Variants in PCDH15 observed in about 807,000 individuals in gnomAD.
The protein encoded by PCDH15 is protocadherin-15.
In PCDH15, 129 loss-of-function variants were observed where a neutral mutation model predicts 178.5. That is an observed-to-expected ratio of 0.72 (90% CI 0.63 to 0.84). The LOEUF (loss-of-function observed/expected upper bound fraction) is 0.84, where lower values mean the gene tolerates loss of function less well. PCDH15 is among the 40% of genes least tolerant of loss of function. PCDH15 has a pLI of 0.00. For synonymous variants in PCDH15, 800 were observed against 732.0 expected (o/e 1.09, Z -1.50); for missense variants, 2,230 against 2,099.9 (o/e 1.06, Z -1.21).
At chr10:55,045,288 T>C (rs2131981595) in intron 2 of PCDH15, among the ~76,000 whole-genome samples, 1 of 152,244 alleles carries the variant, frequency 6.6e-6, no homozygotes, top group Non-Finnish European at 1.5e-5. Flanking sequence ...TTACCATTGA[T>C]TTTGTTCTTT....
At chr10:55,271,682 A>T (rs1842449160) in intron 1 of PCDH15, among the ~76,000 whole-genome samples, 1 of 151,944 alleles carries the variant, frequency 6.6e-6, no homozygotes, top group South Asian at 2.1e-4. Context: ...ACTCATCAGC[A>T]TTGTCCTCTT....
At chr10:55,351,735 T>A (rs1844939923) in intron 2 of PCDH15, among the ~76,000 whole-genome samples, 1 of 152,262 alleles carries the variant, frequency 6.6e-6, no homozygotes, top group African/African-American at 2.4e-5. Flanking sequence ...CTCCCAAATC[T>A]GTGCTAATGT....
In PCDH15 at chr10:53,806,926, C is replaced by CA. The variant is rs764743196; in HGVS notation, c.4875dup (p.Ala1626CysfsTer11). On this transcript the variant is annotated frameshift_variant, in exon 38 of 38. Coordinates refer to ENST00000644397, the MANE Select transcript of PCDH15 (RefSeq NM_001384140.1). LOFTEE classifies it high-confidence loss of function. ...GGCCCTCCCAGTCGAACAGGGGAAG[C>CA]AACTTTTAAGTTGTCCGTGAGGCAG... The CA allele has an allele frequency of 1.9e-6, 3 of 1,613,732 alleles. No homozygotes were observed. The African/African-American group carries it at 4.0e-5, about 22-fold the overall frequency.
At chr10:54,055,660 A>G (rs755565613) in intron 18 of PCDH15, among the ~76,000 whole-genome samples, 1 of 151,992 alleles carries the variant, frequency 6.6e-6, no homozygotes, top group Non-Finnish European at 1.5e-5. Flanking sequence ...TCCTACCTCC[A>G]CTTCCCTCCC....
At chr10:53,925,188 C>T (rs1564784731) in intron 25 of PCDH15, among the ~76,000 whole-genome samples, 1 of 152,106 alleles carries the variant, frequency 6.6e-6, no homozygotes, top group Non-Finnish European at 1.5e-5. Flanking sequence ...TTTGGTTCCA[C>T]GCTGCCTTTA....
intron 21 of PCDH15, among the ~76,000 whole-genome samples, chr10:53,984,148 CTTTTT>C (rs66540462): frequency 1.6e-5 from 1 of 63,558 alleles, no homozygotes; most frequent in African/African-American, 5.5e-5. Flanking sequence ...TTTTTCTTTT[CTTTTT>C]TTTTTTTTTT....
chr10:53,816,327 G>A (rs1160832006), intron 34 of PCDH15, 50 bp from the exon 35 acceptor site: 1 of 398,376 alleles, frequency 2.5e-6, no homozygotes, highest in Non-Finnish European at 4.4e-6. Context: ...AATTCAGATG[G>A]GAAAGGTAGA....
chr10:53,808,501 C>T, intron 37 of PCDH15: 2 of 1,411,312 alleles, frequency 1.4e-6, no homozygotes, highest in Admixed American at 3.0e-5. Flanking sequence ...CAGTTTTACT[C>T]TAATACAGTC....
chr10:54,771,783 C>T (rs1310225992), intron 1 of PCDH15, among the ~76,000 whole-genome samples: 3 of 152,144 alleles, frequency 2.0e-5, no homozygotes, highest in African/African-American at 4.8e-5. Flanking sequence ...TTTATATTCA[C>T]ACTTCCGTCT....
chr10:53,915,293 GTTC>G (rs1353893697), intron 25 of PCDH15, among the ~76,000 whole-genome samples: 2 of 152,082 alleles, frequency 1.3e-5, no homozygotes, highest in African/African-American at 4.8e-5. Flanking sequence ...AAGCTCACTG[GTTC>G]TTCTCAGCTT....
chr10:55,523,049 C>A lies in PCDH15; in HGVS notation c.-156+104576G>T, dbSNP rs1451377336. Among the ~76,000 whole-genome samples the A allele has an allele frequency of 1.3e-5, 2 of 151,580 alleles. 1 individual carries two copies. Among genetic ancestry groups the A allele is most frequent in the African/African-American group, 4.8e-5 (2 of 41,320 alleles). Reference sequence around the variant, plus strand: ...ATTACAGTCTATTTTAAACTGATAACAACTTCAACTTTGTCTTTCACAGTT... The same window carrying A: ...ATTACAGTCTATTTTAAACTGATAAAAACTTCAACTTTGTCTTTCACAGTT... On this transcript the variant is annotated intron_variant, in intron 2 of 5. Coordinates refer to the PCDH15 transcript ENST00000613346.
intron 2 of PCDH15, among the ~76,000 whole-genome samples, chr10:55,542,645 ATGTG>A (rs1841794062): frequency 1.5e-5 from 2 of 135,822 alleles, no homozygotes. Flanking sequence ...AGACATATGT[ATGTG>A]TCTATATAGG....
rs1480104456 is a variant in PCDH15 at position 55,580,363 on chromosome 10, T to TA, written c.-156+47261_-156+47262insT. Among the ~76,000 whole-genome samples the TA allele has an allele frequency of 5.4e-5, 8 of 149,198 alleles. No homozygotes were observed. In the East Asian group the frequency reaches 5.9e-4, roughly 11 times the overall value. On this transcript the variant is annotated intron_variant, in intron 2 of 5. Coordinates refer to the PCDH15 transcript ENST00000613346. ...TCTTCATTTTTTTTATTTTTTTATTTTTTTTTTTTTTTGAGACGAAGTCTC... is the reference window on the plus strand; with the variant it reads ...TCTTCATTTTTTTTATTTTTTTATTTATTTTTTTTTTTTGAGACGAAGTCTC...
At chr10:54,256,701 T>A (rs1157586979) in intron 8 of PCDH15, among the ~76,000 whole-genome samples, 1 of 152,182 alleles carries the variant, frequency 6.6e-6, no homozygotes, top group Non-Finnish European at 1.5e-5. Flanking sequence ...ATCTCTGGTT[T>A]ATTTTTCTTA....
At chr10:55,219,995 T>C (rs1377370712) in intron 1 of PCDH15, among the ~76,000 whole-genome samples, 1 of 151,868 alleles carries the variant, frequency 6.6e-6, no homozygotes, top group African/African-American at 2.4e-5. Flanking sequence ...CATGCTATGG[T>C]AGACCACATG....
chr10:54,263,420 C>T (rs2057464248), intron 8 of PCDH15, among the ~76,000 whole-genome samples: 1 of 152,168 alleles, frequency 6.6e-6, no homozygotes, highest in African/African-American at 2.4e-5. Context: ...GCGGATGCAG[C>T]AGTAGCTCTT....
At chr10:55,231,955 A>T (rs930832784) in intron 1 of PCDH15, among the ~76,000 whole-genome samples, 2 of 152,014 alleles carry the variant, frequency 1.3e-5, no homozygotes, top group African/African-American at 2.4e-5. Context: ...CATTGTTTGG[A>T]CAATATATTT....
At chr10:54,260,985 G>A (rs6481077) in intron 8 of PCDH15, among the ~76,000 whole-genome samples, 104,267 of 152,034 alleles carry the variant, frequency 0.69, 36,718 homozygotes, top group Middle Eastern at 0.76. Flanking sequence ...AGTAATGACC[G>A]CTGTTGGTTT....
intron 3 of PCDH15, among the ~76,000 whole-genome samples, chr10:54,447,100 TTGGCCAAG>T (rs1159068743): frequency 2.6e-5 from 4 of 151,590 alleles, no homozygotes; most frequent in Non-Finnish European, 5.9e-5. Context: ...CGTTCTCGCT[TTGGCCAAG>T]TGGAATAAAC....
Sources: gnomAD v4.1 joint callset for allele counts (sites outside exome capture counted in the v4.1 genomes callset) on GRCh38, gnomAD v4.1.1 for gene constraint, MANE v1.5 for transcripts, NCBI Gene and HGNC (gene_info 2026-07-23, HGNC 2026-07-21) for gene names.